The following TAF3 variants were observed in gnomAD, a reference collection of about 807,000 sequenced individuals.
TAF3 encodes the protein TATA-box binding protein associated factor 3.
TAF3 carries 7 observed loss-of-function variants against 80.6 expected under a neutral mutation model. The ratio of observed to expected loss-of-function variants is 0.09; its 90% confidence interval spans 0.05 to 0.16. TAF3 has a LOEUF of 0.16. TAF3 is among the 10% of genes least tolerant of loss of function. The probability of loss-of-function intolerance (pLI) is 1.00; values close to 1 mark genes in which losing one functional copy is unlikely to be tolerated. For synonymous variants in TAF3, 444 were observed against 446.1 expected, an observed-to-expected ratio of 1.00 and a Z score of 0.06; for missense variants, 921 against 1,140.2, an observed-to-expected ratio of 0.81 and a Z score of 2.77.
intron 3 of TAF3, among the ~76,000 whole-genome samples, chr10:7,976,346 A>G (rs28667786): frequency 0.028 from 4,207 of 151,294 alleles, 203 homozygotes; most frequent in African/African-American, 0.096. Context: ...TCCTGAGTTC[A>G]AGCGATTCTC....
intron 2 of TAF3, among the ~76,000 whole-genome samples, chr10:7,915,371 G>A (rs915614406): frequency 2.6e-5 from 4 of 151,364 alleles, no homozygotes; most frequent in Admixed American, 6.6e-5. Context: ...TGGGCCGGGC[G>A]CAGTGGCTCA....
At chr10:7,866,861 G>A (rs1325170729) in intron 2 of TAF3, among the ~76,000 whole-genome samples, 3 of 152,108 alleles carry the variant, frequency 2.0e-5, no homozygotes, top group African/African-American at 4.8e-5. Flanking sequence ...TTTTTATGGT[G>A]CGCTCTAAAA....
At chr10:7,838,539 G>C (rs140071584) in intron 2 of TAF3, among the ~76,000 whole-genome samples, 2 of 152,002 alleles carry the variant, frequency 1.3e-5, no homozygotes, top group Non-Finnish European at 2.9e-5. Flanking sequence ...GCACCACCAC[G>C]CCTGGCTAAT....
rs1832035659 is a variant in TAF3, at chr10:8,009,707, C to A, written c.2568+377C>A. 6.6e-6 allele frequency among the ~76,000 whole-genome samples: 1 copy of A among 151,960 alleles called. No homozygotes were observed. Among genetic ancestry groups the A allele is most frequent in the South Asian group, 2.1e-4 (1 of 4,816 alleles). ...TGAGATCTCAGCTCACTGCAACCTC[C>A]ACCTCCCAGGTTCAAGCGATTCTCC... is the stretch of plus-strand genomic sequence containing the variant. On this transcript the variant is annotated intron_variant, in intron 5 of 6. Coordinates refer to ENST00000344293, the MANE Select transcript of TAF3 (RefSeq NM_031923.4). The surrounding 1 kb of genome is among the most constrained non-coding windows in gnomAD (Gnocchi z 4.1).
intron 4 of TAF3, among the ~76,000 whole-genome samples, chr10:8,002,859 G>A (rs1306691057): frequency 1.3e-5 from 2 of 152,142 alleles, no homozygotes; most frequent in African/African-American, 4.8e-5. Context: ...ATGTTTTGCA[G>A]ATGTTATTAG....
At chr10:7,996,464 GA>G (rs2131431654) in intron 4 of TAF3, among the ~76,000 whole-genome samples, 1 of 152,348 alleles carries the variant, frequency 6.6e-6, no homozygotes, top group South Asian at 2.1e-4. Flanking sequence ...GCCAGTGTGT[GA>G]ATGCCAGGAG....
At chr10:7,879,109 A>G (rs1316289845) in intron 2 of TAF3, among the ~76,000 whole-genome samples, 2 of 152,220 alleles carry the variant, frequency 1.3e-5, no homozygotes, top group African/African-American at 2.4e-5. Flanking sequence ...TTAAAAATTT[A>G]TAATTTTATG....
intron 4 of TAF3, among the ~76,000 whole-genome samples, chr10:7,997,066 A>G (rs1450331292): frequency 6.6e-6 from 1 of 152,138 alleles, no homozygotes; most frequent in African/African-American, 2.4e-5. Flanking sequence ...GAGATTGATC[A>G]AAAACTGAAA....
At chr10:7,977,456 CTTCGTT>C in intron 4 of TAF3, 133 bp downstream of exon 4, 1 of 719,602 alleles carries the variant, frequency 1.4e-6, no homozygotes, top group Non-Finnish European at 2.1e-6. Flanking sequence ...TTTTAGAACT[CTTCGTT>C]TTCAAGTTTT....
chr10:7,859,000 C>T (rs1837114645), intron 2 of TAF3, among the ~76,000 whole-genome samples: 1 of 152,114 alleles, frequency 6.6e-6, no homozygotes, highest in Admixed American at 6.5e-5. Context: ...TGGTGGCTCA[C>T]GCCTGTAATC....
In TAF3 at chr10:7,964,134, G is replaced by A. The variant is rs774867377; in HGVS notation, c.624G>A (p.Val208=). The A allele has an allele frequency of 3.7e-6, 6 of 1,614,090 alleles. No individual in the cohort carries two copies. The highest frequency in any genetic ancestry group is 3.3e-5 in the Admixed American group (2 of 60,008). ...LSTKGDTLDV[V]LLEAREPLSS... ...CTAAAGGGGACACGCTAGATGTTGT[G>A]TTATTGGAAGCTCGAGAGCCACTCA... The change falls in exon 3 of 7, where the codon GTG becomes GTA. Residue 208 remains valine, a synonymous_variant. Transcript: ENST00000344293. This position sits in a 1 kb window ranked among gnomAD's most constrained non-coding sequence, Gnocchi z 4.1.
Position 7,818,655 on chromosome 10 carries a change from C to A in TAF3, c.-55C>A, listed in dbSNP as rs940518106. On this transcript the variant is annotated 5_prime_UTR_variant, in exon 1 of 7. Coordinates refer to ENST00000344293, the MANE Select transcript of TAF3 (RefSeq NM_031923.4). ...AATCGGGGACCCTGCTAAGGTCTGG[C>A]GGCGGGGCTGGAGAGCAGTGGCAGC... is the stretch of plus-strand genomic sequence containing the variant. The A allele has an allele frequency of 1.3e-6, 2 of 1,570,282 alleles. No individual in the cohort carries two copies. Among genetic ancestry groups the A allele is most frequent in the Non-Finnish European group, 1.7e-6 (2 of 1,162,678 alleles).
chr10:7,957,779 C>T (rs888614082), intron 2 of TAF3, among the ~76,000 whole-genome samples: 4 of 137,476 alleles, frequency 2.9e-5, no homozygotes, highest in South Asian at 5.2e-4. Flanking sequence ...GTCTGTCTCA[C>T]GCTCTCTCTA....
At chr10:7,850,018 A>T (rs2388429) in intron 2 of TAF3, among the ~76,000 whole-genome samples, 26,134 of 151,368 alleles carry the variant, frequency 0.17, 2,278 homozygotes, top group Admixed American at 0.23. Flanking sequence ...AGGGAATATT[A>T]TTTGTTAAAA....
intron 2 of TAF3, among the ~76,000 whole-genome samples, chr10:7,869,729 G>A (rs1837247481): frequency 6.6e-6 from 1 of 152,188 alleles, no homozygotes; most frequent in Non-Finnish European, 1.5e-5. Flanking sequence ...ATGCACCCCT[G>A]CAGCAGCACG....
chr10:7,976,137 T>C (rs1460681521), intron 3 of TAF3, among the ~76,000 whole-genome samples: 4 of 152,244 alleles, frequency 2.6e-5, no homozygotes, highest in Admixed American at 6.5e-5. Context: ...CTGTGTTCTC[T>C]TCTGACGAAC....
Position 7,964,490 on chromosome 10 carries a change from C to T in TAF3, c.980C>T (p.Thr327Met), listed in dbSNP as rs777420938. The T allele has an allele frequency of 6.2e-6, 10 of 1,613,378 alleles. No homozygotes were observed. Among genetic ancestry groups the T allele is most frequent in the Middle Eastern group, 1.6e-4 (1 of 6,062 alleles). Residue 327 changes from threonine to methionine, a missense_variant, in exon 3 of 7, where the codon ACG becomes ATG. Physicochemically the swap from Thr to Met is moderately conservative, Grantham distance 81. This residue lies in a region of TAF3 where 743 missense variants were observed against 821.0 expected (regional missense o/e 0.90). Transcript: ENST00000344293. The surrounding 1 kb of genome is among the most constrained non-coding windows in gnomAD (Gnocchi z 4.1). ...AAGAGTCCCAAGAGCCCCAAGGTCA[C>T]GACTCACATTCCCCAAACACCTGTG... ...SPKSPKSPKVTTHIPQTPVRP... is the reference protein window; with the variant it reads ...SPKSPKSPKVMTHIPQTPVRP...
At chr10:7,935,227 A>G (rs971752583) in intron 2 of TAF3, among the ~76,000 whole-genome samples, 3 of 152,044 alleles carry the variant, frequency 2.0e-5, no homozygotes, top group Non-Finnish European at 4.4e-5. Context: ...CAGTGAGCCA[A>G]GATCGTGCCA....
At chr10:7,995,137 T>A (rs1302085359) in intron 4 of TAF3, among the ~76,000 whole-genome samples, 1 of 152,118 alleles carries the variant, frequency 6.6e-6, no homozygotes, top group African/African-American at 2.4e-5. Context: ...AGACTAAGGT[T>A]TTTTTCAGCA....
Sources: allele counts gnomAD v4.1 joint callset (sites outside exome capture counted in the v4.1 genomes callset), GRCh38; gene constraint gnomAD v4.1.1; regional missense constraint gnomAD v4.1.1; non-coding constraint Gnocchi (gnomAD v3.1); transcripts MANE v1.5; gene names NCBI Gene and HGNC (gene_info 2026-07-23, HGNC 2026-07-21).